PLA2G5: variants seen among roughly 807,000 people sequenced by gnomAD.
The protein encoded by PLA2G5 is Ca2+-dependent phospholipase A2.
PLA2G5 carries 12 observed loss-of-function variants against 15.9 expected under a neutral mutation model. That is an observed-to-expected ratio of 0.76 (90% CI 0.48 to 1.23). PLA2G5 has a LOEUF of 1.23. PLA2G5 is among the 50% of genes most tolerant of loss of function. The probability of loss-of-function intolerance (pLI) is 0.00; values close to 1 mark genes in which losing one functional copy is unlikely to be tolerated. For missense variants in PLA2G5, 169 were observed against 177.1 expected (o/e 0.95, Z 0.26); for synonymous variants, 71 against 71.4 (o/e 0.99, Z 0.03).
chr1:20,090,916 T>G lies in PLA2G5; in HGVS notation c.*224T>G. 2.1e-6 allele frequency: 1 copy of G among 476,200 alleles called. No homozygotes were observed. The highest frequency in any genetic ancestry group is 3.8e-6 in the Non-Finnish European group (1 of 266,368). The allele number at this position is 476,200 out of a possible 1,614,324, so 29.5% of individuals were successfully genotyped here. A position where few individuals can be genotyped will look rare whatever the true frequency, so the allele number is the denominator to read the frequency against. ...GGTCCCAGGGTCCCTAGGCCTCCACTTCTGAGGGCAGCCCCTCTGGTGCCA... is the reference window on the plus strand; with the variant it reads ...GGTCCCAGGGTCCCTAGGCCTCCACGTCTGAGGGCAGCCCCTCTGGTGCCA... On this transcript the variant is annotated 3_prime_UTR_variant, in exon 5 of 5. Coordinates refer to ENST00000375108, the MANE Select transcript of PLA2G5 (RefSeq NM_000929.3).
chr1:20,088,321 T>C (rs562002542), intron 3 of PLA2G5, among the ~76,000 whole-genome samples: 75 of 151,532 alleles, frequency 4.9e-4, no homozygotes, highest in Non-Finnish European at 9.1e-4. Flanking sequence ...GATCGCGCCA[T>C]TGCACTCCAG....
intron 1 of PLA2G5, among the ~76,000 whole-genome samples, chr1:20,048,041 A>G (rs921647775): frequency 6.6e-6 from 1 of 152,186 alleles, no homozygotes; most frequent in Non-Finnish European, 1.5e-5. Flanking sequence ...TTATGACTCT[A>G]TAAGATGTAC....
chr1:20,044,691 G>A (rs1006045106), intron 1 of PLA2G5, among the ~76,000 whole-genome samples: 1 of 152,122 alleles, frequency 6.6e-6, no homozygotes, highest in African/African-American at 2.4e-5. Context: ...GTCACGGAAT[G>A]AAACTGTAAG....
intron 1 of PLA2G5, among the ~76,000 whole-genome samples, chr1:20,055,609 T>C (rs1569703332): frequency 6.6e-6 from 1 of 152,260 alleles, no homozygotes; most frequent in Admixed American, 6.5e-5. Flanking sequence ...ATTTGCCTCT[T>C]ACTCTGGGAA....
At chr1:20,079,823 A>C (rs1341020540) in intron 1 of PLA2G5, among the ~76,000 whole-genome samples, 1 of 152,174 alleles carries the variant, frequency 6.6e-6, no homozygotes, top group Non-Finnish European at 1.5e-5. Flanking sequence ...GCATCTCTCT[A>C]ACCGCAAGCC....
intron 1 of PLA2G5, among the ~76,000 whole-genome samples, chr1:20,033,553 C>T (rs2013084597): frequency 6.6e-6 from 1 of 152,132 alleles, no homozygotes; most frequent in African/African-American, 2.4e-5. Context: ...GTTTCTGTGC[C>T]TCTGGGGCCA....
intron 1 of PLA2G5, among the ~76,000 whole-genome samples, chr1:20,047,612 A>T (rs1009515731): frequency 1.3e-5 from 2 of 151,870 alleles, no homozygotes; most frequent in Admixed American, 6.6e-5. Flanking sequence ...TTATTTTTCT[A>T]TTAAGATAAA....
chr1:20,059,857 G>T (rs1426020157), intron 2 of PLA2G5, among the ~76,000 whole-genome samples: 1 of 152,190 alleles, frequency 6.6e-6, no homozygotes, highest in Admixed American at 6.5e-5. Flanking sequence ...GGGAACAACA[G>T]CTTCATGATT....
At chr1:20,029,758 G>A (rs950513583) in intron 1 of PLA2G5, among the ~76,000 whole-genome samples, 1 of 152,192 alleles carries the variant, frequency 6.6e-6, no homozygotes, top group East Asian at 1.9e-4. Flanking sequence ...TGGTGTGTGC[G>A]GAGGAGGAGG....
At chr1:20,062,928 T>A (rs2014809792) in intron 2 of PLA2G5, among the ~76,000 whole-genome samples, 1 of 152,146 alleles carries the variant, frequency 6.6e-6, no homozygotes, top group African/African-American at 2.4e-5. Context: ...ACTGGACAGA[T>A]CTCTGAGAGA....
At chr1:20,048,349 A>C (rs2014019991) in intron 1 of PLA2G5, among the ~76,000 whole-genome samples, 1 of 152,202 alleles carries the variant, frequency 6.6e-6, no homozygotes, top group Non-Finnish European at 1.5e-5. Flanking sequence ...AAGAAATTTT[A>C]TACATATCCC....
chr1:20,031,092 G>T (rs1352103155), intron 1 of PLA2G5, among the ~76,000 whole-genome samples: 2 of 152,216 alleles, frequency 1.3e-5, no homozygotes, highest in Non-Finnish European at 2.9e-5. Context: ...TGGAGAGACA[G>T]AGAGAGGGAG....
chr1:20,039,531 G>GA (rs1344066427), intron 1 of PLA2G5, among the ~76,000 whole-genome samples: 2 of 152,196 alleles, frequency 1.3e-5, no homozygotes, highest in Non-Finnish European at 1.5e-5. Flanking sequence ...TGCTGCTGAG[G>GA]AATGGAATAA....
chr1:20,090,570 C>G lies in PLA2G5; in HGVS notation c.295C>G (p.Pro99Ala). 1 of 1,614,084 alleles carries G rather than the reference C, an allele frequency of 6.2e-7. No individual in the cohort carries two copies. The highest frequency in any genetic ancestry group is 8.5e-7 in the Non-Finnish European group (1 of 1,179,942). The change falls in exon 5 of 5, where the codon CCC (proline) becomes GCC (alanine). Residue 99 changes from proline (P) to alanine (A), a missense_variant and splice_region_variant. By Grantham distance (27) the Pro-to-Ala change is conservative (BLOSUM62 -1). Transcript: ENST00000375108. The stretch of plus-strand genomic sequence containing the variant: ...CTGCTCTTGGTGTCCTTTTGCAGAG[C>G]CCGGGCCCTTCTGCCATGTGAACCT... ...RFAWGVVTCE[P>A]GPFCHVNLCA...
intron 1 of PLA2G5, among the ~76,000 whole-genome samples, chr1:20,075,088 G>T (rs560369884): frequency 6.6e-6 from 1 of 152,356 alleles, no homozygotes; most frequent in South Asian, 2.1e-4. Flanking sequence ...ACTAGTACTG[G>T]GTTTGGGGGT....
intron 2 of PLA2G5, 32 bp downstream of exon 2, chr1:20,084,902 C>A (rs769951911): frequency 3.3e-6 from 5 of 1,519,868 alleles, no homozygotes; most frequent in Middle Eastern, 1.7e-4. Context: ...TTCGAATGAA[C>A]TTTTACCCCA....
intron 1 of PLA2G5, among the ~76,000 whole-genome samples, chr1:20,040,797 T>C (rs988694523): frequency 1.3e-5 from 2 of 152,244 alleles, no homozygotes; most frequent in African/African-American, 4.8e-5. Context: ...GTCACCCATC[T>C]GCTCACTGAG....
At chr1:20,071,240 G>A (rs1405863509) in intron 1 of PLA2G5, among the ~76,000 whole-genome samples, 1 of 152,188 alleles carries the variant, frequency 6.6e-6, no homozygotes, top group African/African-American at 2.4e-5. Flanking sequence ...AGAACTTAGT[G>A]TGGTATCTGG....
chr1:20,037,497 G>A (rs2013324239), intron 1 of PLA2G5, among the ~76,000 whole-genome samples: 1 of 152,192 alleles, frequency 6.6e-6, no homozygotes, highest in South Asian at 2.1e-4. Context: ...GTCCTTGGTT[G>A]TAGTTTTATT....
Sources: allele counts gnomAD v4.1 joint callset (sites outside exome capture counted in the v4.1 genomes callset), GRCh38; gene constraint gnomAD v4.1.1; transcripts MANE v1.5; gene names NCBI Gene and HGNC (gene_info 2026-07-23, HGNC 2026-07-21).